AP1S2: variants seen among roughly 807,000 people sequenced by gnomAD.
AP1S2 encodes AP-1 complex subunit sigma-2.
In AP1S2, 1 loss-of-function variant was observed where a neutral mutation model predicts 14.3. The ratio of observed to expected loss-of-function variants is 0.07; its 90% CI spans 0.02 to 0.33. AP1S2 has a LOEUF of 0.33. Ranked by LOEUF, AP1S2 falls within the 10% of genes least tolerant of loss-of-function variation. The probability of loss-of-function intolerance (pLI) is 0.99; values close to 1 mark genes in which losing one functional copy is unlikely to be tolerated. For synonymous variants in AP1S2, 30 were observed against 40.5 expected (o/e 0.74, Z 0.99); for missense variants, 30 against 117.7 (o/e 0.25, Z 3.45).
chrX:15,826,871 T>G lies in AP1S2; in HGVS notation c.*454A>C, dbSNP rs1289385076. ...ACAAAGTTTCCATTCATTTGATATG[T>G]GACATGTCAATTCCCTTTTTTTTTT... On this transcript the variant is annotated 3_prime_UTR_variant, in exon 6 of 6. Coordinates refer to ENST00000672987, the MANE Select transcript of AP1S2 (RefSeq NM_001272071.2). 9.2e-6 allele frequency: 1 copy of G among 109,059 alleles called. No homozygotes were observed. Among genetic ancestry groups the G allele is most frequent in the Non-Finnish European group, 1.9e-5 (1 of 53,156 alleles). 9.0% of individuals were successfully genotyped at this position (109,059 alleles called of 1,213,427 possible). A position where few individuals can be genotyped will look rare whatever the true frequency, so the allele number is the denominator to read the frequency against.
At chrX:15,842,404 A>AATTT (rs1933862994) in intron 4 of AP1S2, among the ~76,000 whole-genome samples, 1 of 111,758 alleles carries the variant, frequency 8.9e-6, no homozygotes, top group African/African-American at 3.3e-5. Flanking sequence ...TAATGGCCTT[A>AATTT]ACCTACGATG....
At position 15,827,009 on chromosome X, in the gene AP1S2, C is replaced by T. The variant is rs746237772; in HGVS notation, c.*316G>A. ...ACAGTAATTAATAAATGTATACTGCCTGATTTTACATGTATATGATGTGCC... is the reference window on the plus strand; with the variant it reads ...ACAGTAATTAATAAATGTATACTGCTTGATTTTACATGTATATGATGTGCC... On this transcript the variant is annotated 3_prime_UTR_variant, in exon 6 of 6. Transcript: ENST00000672987. 88 of 234,324 alleles carry T rather than the reference C, an allele frequency of 3.8e-4. No homozygotes were observed. Among genetic ancestry groups the T allele is most frequent in the African/African-American group, 2.5e-3 (87 of 35,198 alleles). 19.3% of individuals were successfully genotyped at this position (234,324 alleles called of 1,213,427 possible). A position where few individuals can be genotyped will look rare whatever the true frequency, so the allele number is the denominator to read the frequency against.
At chrX:15,853,711 T>C (rs1934243714) in intron 1 of AP1S2, among the ~76,000 whole-genome samples, 1 of 112,219 alleles carries the variant, frequency 8.9e-6, no homozygotes, top group Non-Finnish European at 1.9e-5. Flanking sequence ...ACAAGATATC[T>C]AGAAATGTAT....
intron 2 of AP1S2, among the ~76,000 whole-genome samples, chrX:15,846,455 A>C (rs999630537): frequency 9.0e-6 from 1 of 111,695 alleles, no homozygotes; most frequent in Non-Finnish European, 1.9e-5. Flanking sequence ...TTTTATTGGA[A>C]TATGTATAAT....
At chrX:15,839,299 C>T (rs889418744) in intron 4 of AP1S2, among the ~76,000 whole-genome samples, 5 of 112,029 alleles carry the variant, frequency 4.5e-5, no homozygotes, top group East Asian at 2.8e-4. Flanking sequence ...AGGAGTTACA[C>T]GAGTTTGTCT....
intron 1 of AP1S2, 93 bp from the exon 2 acceptor site, chrX:15,852,617 G>T: frequency 1.2e-6 from 1 of 819,645 alleles, no homozygotes; most frequent in African/African-American, 2.0e-5. Flanking sequence ...GGGGGATGGG[G>T]CATTTACATG....
At chrX:15,849,637 T>C (rs1045871760) in intron 2 of AP1S2, among the ~76,000 whole-genome samples, 2 of 111,991 alleles carry the variant, frequency 1.8e-5, no homozygotes, top group African/African-American at 6.5e-5. Context: ...AAAGAAAAAG[T>C]AGTGGCTCAA....
intron 4 of AP1S2, among the ~76,000 whole-genome samples, chrX:15,837,660 G>A (rs1448517886): frequency 3.0e-5 from 3 of 98,854 alleles, no homozygotes; most frequent in Non-Finnish European, 6.0e-5. Context: ...AGGCTAGAGT[G>A]CAGTGGCGTT....
intron 4 of AP1S2, among the ~76,000 whole-genome samples, chrX:15,834,476 AT>A (rs1308166174): frequency 0.02 from 547 of 27,249 alleles, 5 homozygotes; most frequent in East Asian, 0.093. Flanking sequence ...ATATATATAT[AT>A]ATAATTTTTT....
At position 15,826,886 on chromosome X, in the gene AP1S2, CTT is replaced by C. The variant is rs35656473; in HGVS notation, c.*437_*438del. ...ATTTGATATGTGACATGTCAATTCC[CTT>C]TTTTTTTTTTTTTACATATGCTGAA... On this transcript the variant is annotated 3_prime_UTR_variant, in exon 6 of 6. Transcript: ENST00000672987. 53 of 97,642 alleles carry C rather than the reference CTT, an allele frequency of 5.4e-4. No homozygotes were observed. Among genetic ancestry groups the C allele is most frequent in the Non-Finnish European group, 6.0e-4 (29 of 48,433 alleles). The allele number at this position is 97,642 out of a possible 1,213,427, so 8.0% of individuals were successfully genotyped here.
chrX:15,842,802 G>T (rs1933876959), intron 4 of AP1S2, among the ~76,000 whole-genome samples: 1 of 110,953 alleles, frequency 9.0e-6, no homozygotes, highest in Non-Finnish European at 1.9e-5. Context: ...GCCGAGGTGG[G>T]TGGATCACCT....
chrX:15,832,958 G>A (rs750122067), intron 4 of AP1S2: 14 of 1,118,369 alleles, frequency 1.3e-5, no homozygotes, highest in Middle Eastern at 2.4e-4. Flanking sequence ...ATTCTAGTAC[G>A]CTTTCTTAAA....
intron 4 of AP1S2, chrX:15,832,536 G>A (rs1015983395): frequency 1.3e-6 from 1 of 748,083 alleles, no homozygotes; most frequent in African/African-American, 2.3e-5. Flanking sequence ...CCCCAACTCA[G>A]AATATAGTGG....
chrX:15,849,203 C>A (rs1290762142), intron 2 of AP1S2, among the ~76,000 whole-genome samples: 1 of 112,400 alleles, frequency 8.9e-6, no homozygotes, highest in African/African-American at 3.2e-5. Context: ...TAATATTATT[C>A]TTATCCATCA....
rs146003556 is a variant in AP1S2 at position 15,848,676 on chromosome X, A to T, written c.180-2665T>A. Among the ~76,000 whole-genome samples the T allele has an allele frequency of 9.0e-3, 1,006 of 112,212 alleles. 13 individuals carry two copies. The highest frequency in any genetic ancestry group is 0.03 in the African/African-American group (937 of 30,928). On this transcript the variant is annotated intron_variant, in intron 2 of 5. Coordinates refer to ENST00000672987, the MANE Select transcript of AP1S2 (RefSeq NM_001272071.2). ...CTATTTGTAAGTCTAAATCTGAAGT[A>T]AAATTAATAATAGACTAGTAAGAAG... is the stretch of plus-strand genomic sequence containing the variant.
At chrX:15,836,430 C>G (rs1933639222) in intron 4 of AP1S2, among the ~76,000 whole-genome samples, 1 of 112,220 alleles carries the variant, frequency 8.9e-6, no homozygotes, top group Non-Finnish European at 1.9e-5. Context: ...TTCTATTGTG[C>G]TGTTGATCTA....
intron 4 of AP1S2, among the ~76,000 whole-genome samples, chrX:15,839,629 C>T (rs1360890282): frequency 1.9e-5 from 2 of 108,010 alleles, no homozygotes; most frequent in Admixed American, 9.9e-5. Flanking sequence ...TACAGACACA[C>T]ACCACCATGC....
rs1933264378 is a variant in AP1S2, at chrX:15,826,504, AGC to A, written c.*819_*820del. On this transcript the variant is annotated 3_prime_UTR_variant, in exon 6 of 6. Coordinates refer to ENST00000672987, the MANE Select transcript of AP1S2 (RefSeq NM_001272071.2). ...ACTTTACACATAATACTGTGAAGAG[AGC>A]AACACGTTTTTTGTAAGATACTGTT... 8.9e-6 allele frequency: 1 copy of A among 111,802 alleles called. No homozygotes were observed. Among genetic ancestry groups the A allele is most frequent in the African/African-American group, 3.3e-5 (1 of 30,735 alleles). The allele number at this position is 111,802 out of a possible 1,213,427, so 9.2% of individuals were successfully genotyped here.
intron 4 of AP1S2, among the ~76,000 whole-genome samples, chrX:15,843,133 A>G (rs1049108876): frequency 2.7e-5 from 3 of 112,215 alleles, no homozygotes; most frequent in African/African-American, 9.7e-5. Flanking sequence ...ATATACACAC[A>G]CAAATAAATG....
Sources: allele counts gnomAD v4.1 joint callset (sites outside exome capture counted in the v4.1 genomes callset), GRCh38; gene constraint gnomAD v4.1.1; transcripts MANE v1.5; gene names NCBI Gene and HGNC (gene_info 2026-07-23, HGNC 2026-07-21).